Variants in RIMS2 observed in about 807,000 individuals in gnomAD.
RIMS2 encodes regulating synaptic membrane exocytosis 2, also known as regulating synaptic membrane exocytosis protein 2.
RIMS2 carries 59 observed loss-of-function variants against 174.4 expected under a neutral mutation model. That is an observed-to-expected ratio of 0.34 (90% CI 0.27 to 0.42). The LOEUF (loss-of-function observed/expected upper bound fraction) is 0.42, where lower values mean the gene tolerates loss of function less well. Among genes scored for constraint, RIMS2 ranks in the 10% least tolerant of loss-of-function variants. The probability of loss-of-function intolerance (pLI) is 1.00; values close to 1 mark genes in which losing one functional copy is unlikely to be tolerated. For missense variants in RIMS2, 1,620 were observed against 1,666.3 expected (o/e 0.97, Z 0.48); for synonymous variants, 606 against 572.5 (o/e 1.06, Z -0.84).
intron 4 of RIMS2, among the ~76,000 whole-genome samples, chr8:103,889,606 AATT>A (rs2099229758): frequency 6.6e-6 from 1 of 151,642 alleles, no homozygotes; most frequent in Non-Finnish European, 1.5e-5. Context: ...ATTCCTTGGA[AATT>A]GGTAGCGAGT....
chr8:103,758,817 A>G (rs2098067488), intron 2 of RIMS2, among the ~76,000 whole-genome samples: 2 of 152,254 alleles, frequency 1.3e-5, no homozygotes, highest in South Asian at 2.1e-4. Flanking sequence ...CTTACAAATT[A>G]CAAATAAGTA....
chr8:104,192,637 C>T (rs190532878), intron 19 of RIMS2, among the ~76,000 whole-genome samples: 56 of 152,198 alleles, frequency 3.7e-4, no homozygotes, highest in African/African-American at 1.3e-3. Flanking sequence ...AATGTAAGAA[C>T]TTGTCTTTCT....
intron 19 of RIMS2, among the ~76,000 whole-genome samples, chr8:104,162,689 C>G (rs902971315): frequency 7.2e-5 from 11 of 151,994 alleles, no homozygotes; most frequent in Non-Finnish European, 1.2e-4. Flanking sequence ...TTTAACTGGA[C>G]ATATTTTAAG....
At chr8:103,967,016 T>C (rs982180223) in intron 15 of RIMS2, among the ~76,000 whole-genome samples, 2 of 151,592 alleles carry the variant, frequency 1.3e-5, no homozygotes, top group African/African-American at 4.9e-5. Context: ...ATATGCTCTA[T>C]TTTAGTGAAT....
chr8:104,243,569 C>G (rs1305139163), intron 19 of RIMS2, among the ~76,000 whole-genome samples: 1 of 151,990 alleles, frequency 6.6e-6, no homozygotes, highest in African/African-American at 2.4e-5. Flanking sequence ...ACCTGTAATC[C>G]CAGCTACTTG....
At chr8:104,141,823 G>T (rs2098578987) in intron 19 of RIMS2, among the ~76,000 whole-genome samples, 1 of 152,096 alleles carries the variant, frequency 6.6e-6, no homozygotes, top group South Asian at 2.1e-4. Flanking sequence ...CAGCTAAATT[G>T]TCTCCTCTTC....
At chr8:104,079,606 T>G (rs995759944) in intron 19 of RIMS2, among the ~76,000 whole-genome samples, 1 of 67,160 alleles carries the variant, frequency 1.5e-5, no homozygotes, top group East Asian at 1.3e-3. Context: ...ATGATATATA[T>G]ATATATATAT....
At chr8:104,042,766 A>G (rs1197906233) in intron 19 of RIMS2, among the ~76,000 whole-genome samples, 1 of 151,546 alleles carries the variant, frequency 6.6e-6, no homozygotes, top group Non-Finnish European at 1.5e-5. Flanking sequence ...AATATCTTAT[A>G]GAGGTGATTG....
intron 1 of RIMS2, among the ~76,000 whole-genome samples, chr8:103,552,120 C>G (rs1848235637): frequency 6.6e-6 from 1 of 151,894 alleles, no homozygotes; most frequent in Admixed American, 6.6e-5. Context: ...TCATATAGAA[C>G]CAAAAAAGAT....
At chr8:103,733,166 G>T (rs1259966847) in intron 2 of RIMS2, among the ~76,000 whole-genome samples, 10 of 152,020 alleles carry the variant, frequency 6.6e-5, no homozygotes, top group South Asian at 2.1e-4. Flanking sequence ...CCAGGACTGG[G>T]TTCTCTTCAA....
At chr8:104,062,080 A>G (rs902072087) in intron 19 of RIMS2, among the ~76,000 whole-genome samples, 3 of 152,112 alleles carry the variant, frequency 2.0e-5, no homozygotes, top group African/African-American at 7.2e-5. Flanking sequence ...ATTTTTTCAC[A>G]ATTTTTAGAT....
chr8:103,677,653 T>C (rs930383162), intron 1 of RIMS2, among the ~76,000 whole-genome samples: 3 of 152,158 alleles, frequency 2.0e-5, no homozygotes, highest in African/African-American at 7.2e-5. Context: ...TCTATTTTGG[T>C]TCCTACTTCT....
intron 3 of RIMS2, among the ~76,000 whole-genome samples, chr8:103,841,042 C>T (rs561446642): frequency 6.6e-6 from 1 of 152,228 alleles, no homozygotes; most frequent in Admixed American, 6.5e-5. Flanking sequence ...TTAAAGAGCA[C>T]AGGGTATTTT....
chr8:104,062,146 C>G (rs1378329088), intron 19 of RIMS2, among the ~76,000 whole-genome samples: 1 of 152,094 alleles, frequency 6.6e-6, no homozygotes, highest in Non-Finnish European at 1.5e-5. Flanking sequence ...TGGCTCTCGC[C>G]TGTAATCTCA....
chr8:103,764,111 T>A (rs925258186), intron 2 of RIMS2, among the ~76,000 whole-genome samples: 1 of 152,214 alleles, frequency 6.6e-6, no homozygotes, highest in Non-Finnish European at 1.5e-5. Context: ...GGGATATTCT[T>A]TGAGAAGCTC....
At chr8:103,611,191 C>T (rs1804860515) in intron 1 of RIMS2, among the ~76,000 whole-genome samples, 1 of 151,384 alleles carries the variant, frequency 6.6e-6, no homozygotes. Flanking sequence ...GGTCATTTAC[C>T]CTTTGTCATT....
chr8:103,593,159 T>G (rs1056595244), intron 1 of RIMS2, among the ~76,000 whole-genome samples: 1 of 151,458 alleles, frequency 6.6e-6, no homozygotes, highest in Non-Finnish European at 1.5e-5. Flanking sequence ...AAGTAAAAAT[T>G]AGAATTTTGG....
intron 19 of RIMS2, among the ~76,000 whole-genome samples, chr8:104,166,088 A>G (rs1479764629): frequency 1.6e-5 from 2 of 121,528 alleles, no homozygotes; most frequent in African/African-American, 3.3e-5. Context: ...TTTTTTTGAG[A>G]CAGAGTCTCG....
At chr8:103,959,465 C>G (rs1021410704) in intron 14 of RIMS2, among the ~76,000 whole-genome samples, 4 of 152,024 alleles carry the variant, frequency 2.6e-5, no homozygotes, top group African/African-American at 9.7e-5. Context: ...CTCTGTCACC[C>G]AGGCTGTAGT....
Sources: allele counts gnomAD v4.1 joint callset (sites outside exome capture counted in the v4.1 genomes callset), GRCh38; gene constraint gnomAD v4.1.1; transcripts MANE v1.5; gene names NCBI Gene and HGNC (gene_info 2026-07-23, HGNC 2026-07-21).